The following ARPC3 variants were observed in gnomAD, a reference collection of about 807,000 sequenced individuals.
ARPC3 encodes actin-related protein 2/3 complex subunit 3.
In ARPC3, 12 loss-of-function variants were observed where a neutral mutation model predicts 27.6. The ratio of observed to expected loss-of-function variants is 0.43; its 90% CI spans 0.28 to 0.70. The LOEUF (loss-of-function observed/expected upper bound fraction) is 0.70, where lower values mean the gene tolerates loss of function less well. Ranked by LOEUF, ARPC3 falls within the 30% of genes least tolerant of loss-of-function variation. The pLI, the probability that ARPC3 is intolerant of heterozygous loss-of-function variation, is 0.17. For synonymous variants in ARPC3, 53 were observed against 67.2 expected, an observed-to-expected ratio of 0.79 and a Z score of 1.03; for missense variants, 153 against 207.7, an observed-to-expected ratio of 0.74 and a Z score of 1.62.
intron 2 of ARPC3, among the ~76,000 whole-genome samples, chr12:110,440,843 G>C (rs2062432453): frequency 7.6e-6 from 1 of 132,276 alleles, no homozygotes; most frequent in South Asian, 2.5e-4. Flanking sequence ...ACCGTGCCCA[G>C]CCTTTGTTTT....
intron 1 of ARPC3, among the ~76,000 whole-genome samples, chr12:110,448,044 A>G (rs1592956285): frequency 1.3e-5 from 2 of 151,554 alleles, no homozygotes; most frequent in East Asian, 2.0e-4. Context: ...ACATCCAGCT[A>G]ATTTATTTTT....
chr12:110,448,645 CCT>C (rs1335323033), intron 1 of ARPC3, among the ~76,000 whole-genome samples: 1 of 145,856 alleles, frequency 6.9e-6, no homozygotes, highest in Non-Finnish European at 1.5e-5. Flanking sequence ...AGGGTCACAC[CCT>C]GTCTCAAAAA....
chr12:110,440,302 C>T lies in ARPC3; in HGVS notation c.183+10G>A, dbSNP rs186189626. On this transcript the variant is annotated intron_variant, in intron 3 of 6. Transcript: ENST00000228825. Reference sequence around the variant, plus strand: ...AAACTAAGTTAAATATTAAAAGCTCCGTAATTTACCTTAATTTCATAGTTT... The same window carrying T: ...AAACTAAGTTAAATATTAAAAGCTCTGTAATTTACCTTAATTTCATAGTTT... The T allele has an allele frequency of 1.4e-4, 225 of 1,575,514 alleles. No homozygotes were observed. The highest frequency in any genetic ancestry group is 1.8e-4 in the Non-Finnish European group (201 of 1,145,796).
At chr12:110,438,613 C>CA (rs1205479442) in intron 3 of ARPC3, among the ~76,000 whole-genome samples, 5 of 150,516 alleles carry the variant, frequency 3.3e-5, no homozygotes, top group Non-Finnish European at 5.9e-5. Flanking sequence ...AAAAAAACAA[C>CA]AAAAAAATTA....
chr12:110,438,831 C>A lies in ARPC3; in HGVS notation c.183+1481G>T, dbSNP rs547231264. Among the ~76,000 whole-genome samples, 206 of 150,832 alleles carry A rather than the reference C, an allele frequency of 1.4e-3. 1 individual carries two copies. Among genetic ancestry groups the A allele is most frequent in the African/African-American group, 4.8e-3 (197 of 41,174 alleles). On this transcript the variant is annotated intron_variant, in intron 3 of 6. Coordinates refer to ENST00000228825, the MANE Select transcript of ARPC3 (RefSeq NM_001278556.2). The stretch of plus-strand genomic sequence containing the variant: ...GTTAATTTTGTATTTTTAGTAGAGA[C>A]GGGGTTTCCCCATGTTGGTCAGGCT...
chr12:110,435,598 G>A (rs902506283), intron 6 of ARPC3, among the ~76,000 whole-genome samples: 3 of 152,190 alleles, frequency 2.0e-5, no homozygotes, highest in Non-Finnish European at 4.4e-5. Context: ...CCAAAGTGCT[G>A]GGATTAGAGG....
At chr12:110,449,314 G>A (rs781419090) in intron 1 of ARPC3, among the ~76,000 whole-genome samples, 7 of 151,830 alleles carry the variant, frequency 4.6e-5, no homozygotes, top group Non-Finnish European at 7.4e-5. Context: ...TATAATCCCA[G>A]CACTTTGGGA....
chr12:110,438,924 C>T (rs568992189), intron 3 of ARPC3, among the ~76,000 whole-genome samples: 5 of 151,834 alleles, frequency 3.3e-5, no homozygotes, highest in East Asian at 3.9e-4. Flanking sequence ...AGAGGCACTG[C>T]GCCCAGCCAC....
At chr12:110,448,447 CAGG>C (rs1005992246) in intron 1 of ARPC3, among the ~76,000 whole-genome samples, 2 of 151,888 alleles carry the variant, frequency 1.3e-5, no homozygotes, top group African/African-American at 4.8e-5. Flanking sequence ...GAGGGTGAGG[CAGG>C]AGGACTGCTT....
At chr12:110,436,413 G>C in intron 5 of ARPC3, 144 bp downstream of exon 5, 1 of 1,412,548 alleles carries the variant, frequency 7.1e-7, no homozygotes, top group Admixed American at 1.8e-5. Context: ...AATCGTTTGT[G>C]AGAGTGACTA....
chr12:110,450,264 G>C lies in ARPC3; in HGVS notation c.-4C>G, dbSNP rs1389474698. 6.2e-7 allele frequency: 1 copy of C among 1,614,106 alleles called. No individual in the cohort carries two copies. Among genetic ancestry groups the C allele is most frequent in the Non-Finnish European group, 8.5e-7 (1 of 1,179,978 alleles). ...TGGATCGAACCCTCACCGGCATCTT[G>C]GCGGCGCCCGGGTTTCAACCCAGAG... On this transcript the variant is annotated 5_prime_UTR_variant, in exon 1 of 7. Coordinates refer to ENST00000228825, the MANE Select transcript of ARPC3 (RefSeq NM_001278556.2).
Position 110,445,536 on chromosome 12 carries a change from G to C in ARPC3, c.22C>G (p.Leu8Val), listed in dbSNP as rs1263615155. Residue 8 changes from leucine (L) to valine (V), a missense_variant, in exon 2 of 7, where the codon CTC becomes GTC. Coordinates refer to ENST00000228825, the MANE Select transcript of ARPC3 (RefSeq NM_001278556.2). ...ATGAGTTTGGTATCAGGATCCATGA[G>C]AGAAGAGTGGTAAGCCTGTAATGGC... Reference protein sequence around the residue: MPAYHSSLMDPDTKLIGN... With the variant: MPAYHSSVMDPDTKLIGN... The C allele has an allele frequency of 2.5e-6, 4 of 1,612,660 alleles. No individual in the cohort carries two copies. The highest frequency in any genetic ancestry group is 3.4e-6 in the Non-Finnish European group (4 of 1,178,682).
At chr12:110,447,465 A>C (rs758607500) in intron 1 of ARPC3, among the ~76,000 whole-genome samples, 3 of 152,164 alleles carry the variant, frequency 2.0e-5, no homozygotes, top group African/African-American at 4.8e-5. Context: ...AAGAGTAGAG[A>C]AGACAGACAG....
At chr12:110,439,932 A>C (rs1376006242) in intron 3 of ARPC3, among the ~76,000 whole-genome samples, 2 of 152,204 alleles carry the variant, frequency 1.3e-5, no homozygotes, top group Admixed American at 1.3e-4. Context: ...TTCTCTGTAA[A>C]AGGCAGGCAG....
chr12:110,443,777 T>A (rs906327474), intron 2 of ARPC3, among the ~76,000 whole-genome samples: 1 of 152,132 alleles, frequency 6.6e-6, no homozygotes, highest in Non-Finnish European at 1.5e-5. Context: ...CTTGGAGGAC[T>A]CAATATTGTT....
In ARPC3 at chr12:110,436,697, T is replaced by TATATATATATATATACAAA; in HGVS notation, c.253-15_253-14insTTTGTATATATATATATAT. 1.7e-6 allele frequency: 1 copy of TATATATATATATATACAAA among 602,736 alleles called. No individual in the cohort carries two copies. Among genetic ancestry groups the TATATATATATATATACAAA allele is most frequent in the Admixed American group, 3.0e-5 (1 of 33,478 alleles). 37.3% of individuals were successfully genotyped at this position (602,736 alleles called of 1,614,324 possible). A position where few individuals can be genotyped will look rare whatever the true frequency, so the allele number is the denominator to read the frequency against. On this transcript the variant is annotated splice_polypyrimidine_tract_variant and intron_variant, in intron 4 of 6. Coordinates refer to ENST00000228825, the MANE Select transcript of ARPC3 (RefSeq NM_001278556.2). Reference sequence around the variant, plus strand: ...TTTGGAATTGCACTGGAAAAAAAAATATATATATATATATACACACACACA... The same window carrying TATATATATATATATACAAA: ...TTTGGAATTGCACTGGAAAAAAAAATATATATATATATATACAAAATATATATATATATACACACACACA...
chr12:110,448,791 G>T (rs991437214), intron 1 of ARPC3, among the ~76,000 whole-genome samples: 5 of 73,710 alleles, frequency 6.8e-5, no homozygotes, highest in African/African-American at 3.0e-4. Flanking sequence ...GGGGGGGGGG[G>T]GTGGTGGTAC....
At chr12:110,439,337 G>A (rs1323848159) in intron 3 of ARPC3, among the ~76,000 whole-genome samples, 2 of 151,968 alleles carry the variant, frequency 1.3e-5, no homozygotes, top group African/African-American at 2.4e-5. Context: ...GGCTGGTCTC[G>A]AACTCCTGAA....
At chr12:110,450,184 G>GGC in intron 1 of ARPC3, 71 bp downstream of exon 1, 1 of 1,602,380 alleles carries the variant, frequency 6.2e-7, no homozygotes, top group Non-Finnish European at 8.5e-7. Flanking sequence ...CGCTTCTCTC[G>GGC]GCACACACAC....
Sources: gnomAD v4.1 joint callset for allele counts (sites outside exome capture counted in the v4.1 genomes callset) on GRCh38, gnomAD v4.1.1 for gene constraint, MANE v1.5 for transcripts, NCBI Gene and HGNC (gene_info 2026-07-23, HGNC 2026-07-21) for gene names.